ATP11B: variants seen among roughly 807,000 people sequenced by gnomAD.
ATP11B encodes phospholipid-transporting ATPase IF.
A neutral mutation model predicts 157.8 loss-of-function variants in ATP11B; 81 were observed. That is an observed-to-expected ratio of 0.51 (90% CI 0.43 to 0.62). The LOEUF is 0.62. Ranked by LOEUF, ATP11B falls within the 20% of genes least tolerant of loss-of-function variation. The probability of loss-of-function intolerance (pLI) is 0.00; values close to 1 mark genes in which losing one functional copy is unlikely to be tolerated. For synonymous variants in ATP11B, 451 were observed against 469.4 expected (o/e 0.96, Z 0.51); for missense variants, 1,165 against 1,402.2 (o/e 0.83, Z 2.70).
At chr3:182,881,669 A>AT (rs1162734383) in intron 21 of ATP11B, among the ~76,000 whole-genome samples, 1 of 152,166 alleles carries the variant, frequency 6.6e-6, no homozygotes, top group Non-Finnish European at 1.5e-5. Context: ...ATTATTTTTC[A>AT]TAATAAAAGT....
rs560230584 is a variant in ATP11B at position 182,873,690 on chromosome 3, A to G, written c.2049-122A>G. 2.6e-5 allele frequency: 20 copies of G among 777,528 alleles called. No individual in the cohort carries two copies. In the East Asian group the frequency reaches 4.8e-4, roughly 19 times the overall value. 48.2% of individuals were successfully genotyped at this position (777,528 alleles called of 1,614,324 possible). A position where few individuals can be genotyped will look rare whatever the true frequency, so the allele number is the denominator to read the frequency against. ...AATTCCAGTTATATTGCTATATTGT[A>G]TAATAACATTCCTAGGTCAAGTCAA... On this transcript the variant is annotated intron_variant, in intron 18 of 29. Coordinates refer to ENST00000323116, the MANE Select transcript of ATP11B (RefSeq NM_014616.3).
rs139148759 is a variant in ATP11B at position 182,823,755 on chromosome 3, T to C, written c.144+3379T>C. Among the ~76,000 whole-genome samples, 10 of 152,268 alleles carry C rather than the reference T, an allele frequency of 6.6e-5. No homozygotes were observed. The East Asian group carries it at 9.6e-4, about 15-fold the overall frequency. On this transcript the variant is annotated intron_variant, in intron 2 of 29. Transcript: ENST00000323116. Reference sequence around the variant, plus strand: ...ATTCTTCCTATCCATGGCCATGGAATGTTCATCCATTTGTTTGTAGTGACA... The same window carrying C: ...ATTCTTCCTATCCATGGCCATGGAACGTTCATCCATTTGTTTGTAGTGACA...
At chr3:182,796,942 C>T (rs962221370) in intron 1 of ATP11B, among the ~76,000 whole-genome samples, 2 of 152,086 alleles carry the variant, frequency 1.3e-5, no homozygotes, top group African/African-American at 4.8e-5. Flanking sequence ...ATTGTATTGG[C>T]GATGGTGGTA....
At chr3:182,884,386 T>TA (rs1230191537) in intron 21 of ATP11B, among the ~76,000 whole-genome samples, 2 of 152,154 alleles carry the variant, frequency 1.3e-5, no homozygotes, top group Non-Finnish European at 2.9e-5. Context: ...TCAGTGAAAA[T>TA]AGTGAAGTTA....
intron 22 of ATP11B, 37 bp downstream of exon 22, chr3:182,884,935 G>C (rs938810399): frequency 8.8e-7 from 1 of 1,142,660 alleles, no homozygotes; most frequent in Admixed American, 2.7e-5. Flanking sequence ...TATTGATATA[G>C]TAATATGAAG....
rs78491402 is a variant in ATP11B, at chr3:182,864,108, C to T, written c.1201-1348C>T. Among the ~76,000 whole-genome samples the T allele has an allele frequency of 8.0e-3, 1,216 of 151,928 alleles. 14 individuals are homozygous for T. Among genetic ancestry groups the T allele is most frequent in the African/African-American group, 0.028 (1,167 of 41,454 alleles). ...TAACCCTACCTTTCTTTTTGGATAT[C>T]GATCTTTTTATCCTGGAATTGTGCT... is the stretch of plus-strand genomic sequence containing the variant. On this transcript the variant is annotated intron_variant, in intron 12 of 29. Transcript: ENST00000323116.
chr3:182,890,634 T>C (rs184558040), intron 25 of ATP11B, among the ~76,000 whole-genome samples: 132 of 152,306 alleles, frequency 8.7e-4, no homozygotes, highest in Non-Finnish European at 1.4e-3. Context: ...TGAGGACATA[T>C]TTAGACTGAT....
chr3:182,814,672 G>A (rs561985032), intron 1 of ATP11B, among the ~76,000 whole-genome samples: 2 of 152,172 alleles, frequency 1.3e-5, no homozygotes, highest in African/African-American at 4.8e-5. Flanking sequence ...AGCTGGGCAT[G>A]GTGGTGTGCA....
intron 4 of ATP11B, among the ~76,000 whole-genome samples, chr3:182,833,063 G>T (rs9840844): frequency 0.52 from 78,644 of 151,902 alleles, 23,194 homozygotes; most frequent in Non-Finnish European, 0.67. Context: ...AGAAAAAATA[G>T]TTGGATTCAT....
chr3:182,905,967 T>C (rs1286021472), intron 28 of ATP11B: 1 of 430,826 alleles, frequency 2.3e-6, no homozygotes, highest in African/African-American at 2.0e-5. Flanking sequence ...TAAGTTCTCA[T>C]GCTTGGGGGG....
At chr3:182,831,679 C>G (rs760916863) in intron 4 of ATP11B, among the ~76,000 whole-genome samples, 8 of 151,916 alleles carry the variant, frequency 5.3e-5, no homozygotes, top group Non-Finnish European at 1.2e-4. Context: ...GCTGTACTTT[C>G]TTCCTGGAAA....
intron 29 of ATP11B, chr3:182,917,786 G>A (rs998813278): frequency 3.0e-6 from 3 of 984,846 alleles, no homozygotes; most frequent in African/African-American, 3.5e-5. Context: ...TAATGCTAAT[G>A]AATGTTTGAA....
chr3:182,915,998 A>T (rs1199361254), intron 29 of ATP11B: 14 of 984,652 alleles, frequency 1.4e-5, no homozygotes, highest in Non-Finnish European at 1.7e-5. Flanking sequence ...CCTTTTTCTC[A>T]TGTGAATAAT....
chr3:182,870,277 ATCAT>A (rs1721556531), intron 17 of ATP11B, among the ~76,000 whole-genome samples: 1 of 152,262 alleles, frequency 6.6e-6, no homozygotes, highest in Non-Finnish European at 1.5e-5. Context: ...ACAAAGAGCC[ATCAT>A]TCATGTAAAT....
intron 6 of ATP11B, 101 bp from the exon 7 acceptor site, chr3:182,836,970 C>T: frequency 1.3e-6 from 1 of 767,368 alleles, no homozygotes; most frequent in Non-Finnish European, 2.2e-6. Context: ...ATCTCAAGTA[C>T]AGTATGCCAT....
intron 23 of ATP11B, among the ~76,000 whole-genome samples, chr3:182,886,915 C>T (rs1722831767): frequency 6.6e-6 from 1 of 152,100 alleles, no homozygotes; most frequent in South Asian, 2.1e-4. Context: ...AGTTTGTTTA[C>T]CTAAATGAAC....
At chr3:182,825,071 T>C (rs1018070677) in intron 2 of ATP11B, among the ~76,000 whole-genome samples, 6 of 152,228 alleles carry the variant, frequency 3.9e-5, no homozygotes, top group African/African-American at 7.2e-5. Context: ...TCCCCTGTTA[T>C]TCTCTTGGTC....
chr3:182,809,849 G>A (rs114570368), intron 1 of ATP11B, among the ~76,000 whole-genome samples: 226 of 152,208 alleles, frequency 1.5e-3, no homozygotes, highest in Middle Eastern at 3.4e-3. Context: ...TTAGTCCTTA[G>A]CACATTACAA....
rs528066832 is a variant in ATP11B at position 182,880,788 on chromosome 3, G to A, written c.2407-91G>A. ...AAAATTAAATATTTCTTTCATTAGT[G>A]TTCTTACTATAGTCATTTCAGATAA... On this transcript the variant is annotated intron_variant, in intron 20 of 29. Coordinates refer to ENST00000323116, the MANE Select transcript of ATP11B (RefSeq NM_014616.3). 23 of 658,092 alleles carry A rather than the reference G, an allele frequency of 3.5e-5. No homozygotes were observed. In the East Asian group the frequency reaches 7.0e-4, roughly 20 times the overall value. 40.8% of individuals were successfully genotyped at this position (658,092 alleles called of 1,614,324 possible). A position where few individuals can be genotyped will look rare whatever the true frequency, so the allele number is the denominator to read the frequency against.
Sources: allele counts gnomAD v4.1 joint callset (sites outside exome capture counted in the v4.1 genomes callset), GRCh38; gene constraint gnomAD v4.1.1; transcripts MANE v1.5; gene names NCBI Gene and HGNC (gene_info 2026-07-23, HGNC 2026-07-21).